The following P3H2 variants were observed in gnomAD, a reference collection of about 807,000 sequenced individuals.
P3H2 encodes prolyl 3-hydroxylase 2, also known as leprecan-like 1.
P3H2 carries 80 observed loss-of-function variants against 87.0 expected under a neutral mutation model. The ratio of observed to expected loss-of-function variants is 0.92; its 90% CI spans 0.77 to 1.11. The LOEUF (loss-of-function observed/expected upper bound fraction) is 1.11. Ranked by LOEUF, P3H2 falls within the 50% of genes least tolerant of loss-of-function variation. P3H2 has a pLI of 0.00. For synonymous variants in P3H2, 367 were observed against 359.3 expected (o/e 1.02, Z -0.24); for missense variants, 1,001 against 923.9 (o/e 1.08, Z -1.08).
chr3:190,032,602 A>C (rs2108948257), intron 1 of P3H2, among the ~76,000 whole-genome samples: 2 of 152,342 alleles, frequency 1.3e-5, no homozygotes, highest in South Asian at 4.1e-4. Context: ...ACCCATGAGA[A>C]CATTTATGGG....
intron 14 of P3H2, among the ~76,000 whole-genome samples, chr3:189,959,860 A>ATGTGTGTGTGTGTG (rs75204350): frequency 3.6e-4 from 48 of 134,872 alleles, no homozygotes; most frequent in African/African-American, 1.1e-3. Flanking sequence ...TGGAGGAGAT[A>ATGTGTGTGTGTGTG]TGTGTGTGTG....
At chr3:189,958,096 G>GTA in intron 14 of P3H2, 92 bp from the exon 15 acceptor site, 1 of 887,260 alleles carries the variant, frequency 1.1e-6, no homozygotes, top group Non-Finnish European at 1.9e-6. Flanking sequence ...GCATCCATCT[G>GTA]TACATGGGTT....
rs1722658568 is a variant in P3H2 at position 189,957,175 on chromosome 3, C to G, written c.*737G>C. ...CATACAGTAATCATCCATGAGATCT[C>G]CCGGAGCCTGGGTGATCATTACGCC... On this transcript the variant is annotated 3_prime_UTR_variant, in exon 15 of 15. Transcript: ENST00000319332. 1 of 398,586 alleles carries G rather than the reference C, an allele frequency of 2.5e-6. No individual in the cohort carries two copies. The highest frequency in any genetic ancestry group is 2.1e-5 in the African/African-American group (1 of 48,574). The allele number at this position is 398,586 out of a possible 1,614,324, so 24.7% of individuals were successfully genotyped here.
intron 1 of P3H2, among the ~76,000 whole-genome samples, chr3:190,039,134 A>G (rs898186798): frequency 9.2e-5 from 14 of 151,538 alleles, no homozygotes; most frequent in South Asian, 4.2e-4. Context: ...GGTTGCGGTG[A>G]GCCGAGATCA....
At chr3:189,995,558 T>G (rs1287542317) in intron 1 of P3H2, 116 bp from the exon 2 acceptor site, 21 of 1,049,746 alleles carry the variant, frequency 2.0e-5, no homozygotes, top group Middle Eastern at 2.8e-4. Flanking sequence ...GAGCCTTGGT[T>G]TTTTTTTTTT....
In P3H2 at chr3:190,120,660, GC is replaced by G. The variant is rs1388285891; in HGVS notation, c.71del (p.Gly24AlafsTer180). 1.3e-6 allele frequency: 2 copies of G among 1,523,722 alleles called. No homozygotes were observed. Among genetic ancestry groups the G allele is most frequent in the African/African-American group, 1.4e-5 (1 of 71,224 alleles). The allele number at this position is 1,523,722 out of a possible 1,614,324, so 94.4% of individuals were successfully genotyped here. On this transcript the variant is annotated frameshift_variant, in exon 1 of 15. Transcript: ENST00000319332. LOFTEE classifies it high-confidence loss of function. ...CCCGGCGTGGGCTGTCCGGGGGGCC[GC>G]CCCACAGTGGCGGCGGCAGTAGCAG... ...LPLLLPPPLW[G>X]GPPDSPRREL...
intron 1 of P3H2, among the ~76,000 whole-genome samples, chr3:190,035,074 C>T (rs147968188): frequency 4.4e-4 from 67 of 152,110 alleles, no homozygotes; most frequent in African/African-American, 1.5e-3. Context: ...GTCTCACACT[C>T]CTGACCTCAA....
At chr3:189,976,319 T>A (rs1440181911) in intron 8 of P3H2, among the ~76,000 whole-genome samples, 1 of 152,168 alleles carries the variant, frequency 6.6e-6, no homozygotes, top group Non-Finnish European at 1.5e-5. Flanking sequence ...GAAAAAGAGA[T>A]TTAACGGACT....
At chr3:190,056,614 C>T (rs1371135022) in intron 1 of P3H2, among the ~76,000 whole-genome samples, 2 of 152,162 alleles carry the variant, frequency 1.3e-5, no homozygotes, top group African/African-American at 4.8e-5. Flanking sequence ...CTGGATTAAT[C>T]CATTCATCAC....
intron 1 of P3H2, among the ~76,000 whole-genome samples, chr3:190,063,099 T>C (rs1726384437): frequency 6.6e-6 from 1 of 152,144 alleles, no homozygotes; most frequent in Non-Finnish European, 1.5e-5. Context: ...AACAAATGGC[T>C]CCTGAGATGT....
At chr3:190,071,281 C>A (rs1726688634) in intron 1 of P3H2, among the ~76,000 whole-genome samples, 1 of 152,070 alleles carries the variant, frequency 6.6e-6, no homozygotes, top group Non-Finnish European at 1.5e-5. Flanking sequence ...TTATTACAAG[C>A]CACAATAAAC....
Position 189,963,999 on chromosome 3 carries a change from C to T in P3H2, c.1993G>A (p.Val665Met), listed in dbSNP as rs771726888. 4.3e-6 allele frequency: 7 copies of T among 1,614,040 alleles called. No individual in the cohort carries two copies. Among genetic ancestry groups the T allele is most frequent in the African/African-American group, 4.0e-5 (3 of 74,928 alleles). Residue 665 changes from valine (V) to methionine (M), a missense_variant, in exon 14 of 15, where the codon GTG becomes ATG. Physicochemically the swap from Val to Met is conservative, Grantham distance 21. Coordinates refer to ENST00000319332, the MANE Select transcript of P3H2 (RefSeq NM_018192.4). ...GGGTCCAAGGTGAACCACAGAGCCACAGCACACCTCTTTCCCTTGGTGACT... is the reference window on the plus strand; with the variant it reads ...GGGTCCAAGGTGAACCACAGAGCCATAGCACACCTCTTTCCCTTGGTGACT... ...KAVTKGKRCA[V>M]ALWFTLDPLY...
intron 13 of P3H2, among the ~76,000 whole-genome samples, chr3:189,966,183 GAAA>G (rs1723000535): frequency 7.7e-6 from 1 of 129,836 alleles, no homozygotes; most frequent in Non-Finnish European, 1.7e-5. Context: ...AAGAAAGAAA[GAAA>G]GAAAGAAAAG....
chr3:190,107,962 T>G, intron 1 of P3H2, among the ~76,000 whole-genome samples: 1 of 151,866 alleles, frequency 6.6e-6, no homozygotes, highest in East Asian at 1.9e-4. Context: ...AAATTACCAG[T>G]ATTTTATTTT....
chr3:189,987,791 T>G, intron 4 of P3H2, 122 bp from the exon 5 acceptor site: 2 of 1,109,934 alleles, frequency 1.8e-6, no homozygotes, highest in Non-Finnish European at 2.7e-6. Context: ...GAAGATAAAT[T>G]GAGGCTCAGC....
chr3:190,073,940 G>A (rs1162693588), intron 1 of P3H2, among the ~76,000 whole-genome samples: 1 of 152,162 alleles, frequency 6.6e-6, no homozygotes, highest in Non-Finnish European at 1.5e-5. Context: ...TTAGGGGACA[G>A]TTCACTTTTT....
At chr3:189,986,185 G>A (rs993320427) in intron 6 of P3H2, among the ~76,000 whole-genome samples, 1 of 152,102 alleles carries the variant, frequency 6.6e-6, no homozygotes. Context: ...AAACACTCCC[G>A]GGGCAAATGA....
At chr3:190,085,582 T>C (rs890795240) in intron 1 of P3H2, among the ~76,000 whole-genome samples, 10 of 152,358 alleles carry the variant, frequency 6.6e-5, no homozygotes, top group African/African-American at 2.4e-4. Flanking sequence ...TTGTTCCTAC[T>C]GGAACTGACT....
At chr3:190,115,299 A>C (rs930318577) in intron 1 of P3H2, among the ~76,000 whole-genome samples, 2 of 152,218 alleles carry the variant, frequency 1.3e-5, no homozygotes, top group Non-Finnish European at 2.9e-5. Context: ...GAAGAAAAAC[A>C]AAGGTCAAAT....
Sources: gnomAD v4.1 joint callset for allele counts (sites outside exome capture counted in the v4.1 genomes callset) on GRCh38, gnomAD v4.1.1 for gene constraint, MANE v1.5 for transcripts, NCBI Gene and HGNC (gene_info 2026-07-23, HGNC 2026-07-21) for gene names.